Variants in ADGRB3 observed in about 807,000 individuals in gnomAD.
The protein encoded by ADGRB3 is brain-specific angiogenesis inhibitor 3.
ADGRB3 carries 37 observed loss-of-function variants against 193.4 expected under a neutral mutation model. That is an observed-to-expected ratio of 0.19 (90% CI 0.15 to 0.25). The LOEUF is 0.25. ADGRB3 is among the 10% of genes least tolerant of loss of function. The pLI, the probability that ADGRB3 is intolerant of heterozygous loss-of-function variation, is 1.00. For synonymous variants in ADGRB3, 690 were observed against 644.2 expected, an observed-to-expected ratio of 1.07 and a Z score of -1.08; for missense variants, 1,637 against 1,852.9, an observed-to-expected ratio of 0.88 and a Z score of 2.14.
intron 3 of ADGRB3, among the ~76,000 whole-genome samples, chr6:68,910,264 T>C (rs542838118): frequency 6.6e-6 from 1 of 152,348 alleles, no homozygotes; most frequent in South Asian, 2.1e-4. Flanking sequence ...TTTGTTTTTT[T>C]CTTGTTAATT....
intron 4 of ADGRB3, among the ~76,000 whole-genome samples, chr6:68,934,027 T>C (rs901717049): frequency 2.0e-5 from 3 of 152,188 alleles, no homozygotes; most frequent in African/African-American, 4.8e-5. Flanking sequence ...ATATTAGTTA[T>C]TCTCACAATG....
intron 3 of ADGRB3, among the ~76,000 whole-genome samples, chr6:68,828,494 T>C (rs142853355): frequency 0.019 from 2,867 of 152,226 alleles, 81 homozygotes; most frequent in African/African-American, 0.066. Context: ...CAAAATAAAA[T>C]GTTCACTGGT....
intron 11 of ADGRB3, among the ~76,000 whole-genome samples, chr6:69,006,790 A>T (rs1350868691): frequency 6.6e-6 from 1 of 151,806 alleles, no homozygotes; most frequent in African/African-American, 2.4e-5. Context: ...TGTAAAATTT[A>T]TATTATTCTG....
At chr6:68,816,873 T>A (rs1767640159) in intron 3 of ADGRB3, among the ~76,000 whole-genome samples, 1 of 152,118 alleles carries the variant, frequency 6.6e-6, no homozygotes, top group African/African-American at 2.4e-5. Flanking sequence ...CTCTCCAGAC[T>A]TCTTGCTGGG....
chr6:69,004,600 T>C (rs887767312), intron 11 of ADGRB3, among the ~76,000 whole-genome samples: 119 of 140,294 alleles, frequency 8.5e-4, no homozygotes, highest in African/African-American at 3.1e-3. Context: ...TGTGTGATGT[T>C]CCCCACCCTG....
intron 17 of ADGRB3, among the ~76,000 whole-genome samples, chr6:69,166,063 C>A (rs1258037770): frequency 2.0e-5 from 3 of 152,054 alleles, no homozygotes; most frequent in African/African-American, 7.2e-5. Context: ...CAGAATTTTA[C>A]AATATATTAT....
chr6:69,002,133 A>G (rs1332361806), intron 11 of ADGRB3, among the ~76,000 whole-genome samples: 1 of 152,108 alleles, frequency 6.6e-6, no homozygotes, highest in Non-Finnish European at 1.5e-5. Flanking sequence ...AGTTCAGACT[A>G]TATTCTAAAC....
At chr6:68,815,303 A>G (rs1338623397) in intron 3 of ADGRB3, among the ~76,000 whole-genome samples, 1 of 152,192 alleles carries the variant, frequency 6.6e-6, no homozygotes, top group East Asian at 1.9e-4. Context: ...CTAAATACTG[A>G]ATCTCAAAAG....
intron 17 of ADGRB3, among the ~76,000 whole-genome samples, chr6:69,102,493 A>C (rs1319219582): frequency 1.3e-5 from 2 of 152,218 alleles, no homozygotes; most frequent in African/African-American, 4.8e-5. Context: ...TCAGCTTTTA[A>C]GAAGCAGCTG....
At chr6:69,101,530 C>G (rs886663284) in intron 17 of ADGRB3, among the ~76,000 whole-genome samples, 19 of 145,070 alleles carry the variant, frequency 1.3e-4, no homozygotes, top group African/African-American at 4.3e-4. Context: ...ACTGACAAAC[C>G]CTGGAAATTG....
intron 3 of ADGRB3, among the ~76,000 whole-genome samples, chr6:68,864,525 G>A (rs1023124344): frequency 6.8e-6 from 1 of 147,784 alleles, no homozygotes; most frequent in Non-Finnish European, 1.5e-5. Context: ...TGGATAGGAA[G>A]AGAATGAGAG....
rs1770139110 is a variant in ADGRB3, at chr6:69,389,109, C to T, written c.*218C>T. 7.7e-6 allele frequency: 3 copies of T among 391,662 alleles called. No homozygotes were observed. Among genetic ancestry groups the T allele is most frequent in the Non-Finnish European group, 4.6e-6 (1 of 219,316 alleles). The allele number at this position is 391,662 out of a possible 1,614,324, so 24.3% of individuals were successfully genotyped here. A position where few individuals can be genotyped will look rare whatever the true frequency, so the allele number is the denominator to read the frequency against. On this transcript the variant is annotated 3_prime_UTR_variant, in exon 32 of 32. Transcript: ENST00000370598. ...CTGACCATCCTGTGTTGTAAGTACC[C>T]GTGGAATGGATTTGTAAGGTAATCT...
At chr6:69,181,904 CTTAG>C (rs1256435333) in intron 17 of ADGRB3, among the ~76,000 whole-genome samples, 2 of 152,032 alleles carry the variant, frequency 1.3e-5, no homozygotes, top group South Asian at 2.1e-4. Flanking sequence ...TGGGGATAAT[CTTAG>C]TTAGCATTGT....
intron 3 of ADGRB3, among the ~76,000 whole-genome samples, chr6:68,649,162 ACTCC>A (rs1768287191): frequency 6.6e-6 from 1 of 152,082 alleles, no homozygotes; most frequent in African/African-American, 2.4e-5. Context: ...AAATTTTCTC[ACTCC>A]CTCTTATGTC....
chr6:68,772,893 AAATATATATATATATAT>A lies in ADGRB3; in HGVS notation c.757+133463_757+133479del, dbSNP rs1425653643. On this transcript the variant is annotated intron_variant, in intron 3 of 31. Transcript: ENST00000370598. ...AACAAACAAACAAACAAAAAAAAAA[AAATATATATATATATAT>A]ATATATATATATATATATATATACA... Among the ~76,000 whole-genome samples, 221 of 22,682 alleles carry A rather than the reference AAATATATATATATATAT, an allele frequency of 9.7e-3. 10 individuals are homozygous for A. The highest frequency in any genetic ancestry group is 0.031 in the African/African-American group (156 of 5,020). The allele number at this position is 22,682 out of a possible 152,430, so 14.9% of individuals were successfully genotyped here. A position where few individuals can be genotyped will look rare whatever the true frequency, so the allele number is the denominator to read the frequency against.
intron 28 of ADGRB3, among the ~76,000 whole-genome samples, chr6:69,357,148 A>C (rs1051834033): frequency 1.3e-5 from 2 of 152,046 alleles, no homozygotes; most frequent in East Asian, 3.8e-4. Context: ...CCGATTTATC[A>C]ATAATTTTAA....
chr6:69,225,893 T>A (rs1766002848), intron 17 of ADGRB3, among the ~76,000 whole-genome samples: 1 of 152,238 alleles, frequency 6.6e-6, no homozygotes, highest in Non-Finnish European at 1.5e-5. Flanking sequence ...GATTTGCCTG[T>A]TGACTAATTA....
chr6:68,874,595 A>G (rs925818232), intron 3 of ADGRB3, among the ~76,000 whole-genome samples: 1 of 152,108 alleles, frequency 6.6e-6, no homozygotes, highest in Non-Finnish European at 1.5e-5. Flanking sequence ...ATTTTTGAAA[A>G]TCTTATTTAT....
At chr6:68,646,469 C>T (rs1318270216) in intron 3 of ADGRB3, among the ~76,000 whole-genome samples, 1 of 133,856 alleles carries the variant, frequency 7.5e-6, no homozygotes, top group African/African-American at 2.8e-5. Context: ...AAGAGCGAAA[C>T]TCTGTCAAAA....
Sources: allele counts gnomAD v4.1 joint callset (sites outside exome capture counted in the v4.1 genomes callset), GRCh38; gene constraint gnomAD v4.1.1; transcripts MANE v1.5; gene names NCBI Gene and HGNC (gene_info 2026-07-23, HGNC 2026-07-21).